Variants in LIPC observed in about 807,000 individuals in gnomAD.
The protein encoded by LIPC is hepatic triacylglycerol lipase.
In LIPC, 44 loss-of-function variants were observed where a neutral mutation model predicts 50.7. The observed-to-expected ratio is 0.87, with a 90% CI of 0.68 to 1.11. LIPC has a LOEUF of 1.11. LIPC is among the 50% of genes most tolerant of loss of function. LIPC has a pLI of 0.00. For missense variants in LIPC, 697 were observed against 648.2 expected, an observed-to-expected ratio of 1.08 and a Z score of -0.82; for synonymous variants, 271 against 256.4, an observed-to-expected ratio of 1.06 and a Z score of -0.54.
In LIPC at chr15:58,530,162, C is replaced by G. The variant is rs78040633; in HGVS notation, c.89-8171C>G. On this transcript the variant is annotated intron_variant, in intron 1 of 8. Coordinates refer to ENST00000299022, the MANE Select transcript of LIPC (RefSeq NM_000236.3). The stretch of plus-strand genomic sequence containing the variant: ...TGGGTGCAGCGACGCTGCATGGTCT[C>G]CAGGCGCCTTGTGTTTCTAACCCTC... 5.6e-3 allele frequency among the ~76,000 whole-genome samples: 851 copies of G among 152,326 alleles called. 7 individuals carry two copies. Among genetic ancestry groups the G allele is most frequent in the African/African-American group, 0.019 (794 of 41,570 alleles).
intron 1 of LIPC, among the ~76,000 whole-genome samples, chr15:58,469,345 G>C (rs1254421443): frequency 3.9e-5 from 6 of 152,098 alleles, no homozygotes; most frequent in African/African-American, 1.4e-4. Context: ...AGAACTCTCA[G>C]CTCAGCTCTT....
chr15:58,548,085 G>A (rs1893600529), intron 5 of LIPC, among the ~76,000 whole-genome samples: 3 of 152,060 alleles, frequency 2.0e-5, no homozygotes, highest in Admixed American at 2.0e-4. Flanking sequence ...ATAAAGGAGT[G>A]CTCTCAGGAT....
chr15:58,460,661 C>A (rs1368882405), intron 1 of LIPC, among the ~76,000 whole-genome samples: 3 of 152,194 alleles, frequency 2.0e-5, no homozygotes, highest in African/African-American at 4.8e-5. Flanking sequence ...GGCTGGGCTG[C>A]AAACTCAATG....
intron 1 of LIPC, among the ~76,000 whole-genome samples, chr15:58,479,024 T>G (rs1396893880): frequency 6.6e-6 from 1 of 152,170 alleles, no homozygotes; most frequent in East Asian, 1.9e-4. Context: ...TTCAATGAAT[T>G]CCCACTTTCC....
intron 1 of LIPC, among the ~76,000 whole-genome samples, chr15:58,508,752 A>C (rs759212782): frequency 6.6e-6 from 1 of 151,812 alleles, no homozygotes; most frequent in Non-Finnish European, 1.5e-5. Flanking sequence ...TTTCCTCCGC[A>C]TTCACATCCT....
At chr15:58,520,771 G>A (rs1030413386) in intron 1 of LIPC, among the ~76,000 whole-genome samples, 1 of 152,116 alleles carries the variant, frequency 6.6e-6, no homozygotes, top group Admixed American at 6.5e-5. Flanking sequence ...CGCTTAATAC[G>A]ACACTTCCCA....
chr15:58,457,503 C>T (rs768268756), intron 1 of LIPC, among the ~76,000 whole-genome samples: 3 of 152,252 alleles, frequency 2.0e-5, no homozygotes, highest in African/African-American at 4.8e-5. Context: ...TTGGCTCCTT[C>T]AGGGCAGAGC....
chr15:58,446,981 C>T (rs1893717848), intron 1 of LIPC, among the ~76,000 whole-genome samples: 1 of 151,788 alleles, frequency 6.6e-6, no homozygotes, highest in Non-Finnish European at 1.5e-5. Context: ...AACCCCTTCT[C>T]TACTAAAGAT....
chr15:58,523,980 C>T (rs1892729959), intron 1 of LIPC, among the ~76,000 whole-genome samples: 1 of 152,166 alleles, frequency 6.6e-6, no homozygotes, highest in African/African-American at 2.4e-5. Context: ...GAAGTAAATA[C>T]TAACATGGCT....
At chr15:58,557,337 T>C (rs1037901176) in intron 6 of LIPC, among the ~76,000 whole-genome samples, 1 of 150,882 alleles carries the variant, frequency 6.6e-6, no homozygotes, top group Non-Finnish European at 1.5e-5. Flanking sequence ...CCAAAATAGA[T>C]ATTAGCCAAT....
At chr15:58,541,989 C>T (rs370079161) in intron 3 of LIPC, 22 bp downstream of exon 3, 22 of 1,593,578 alleles carry the variant, frequency 1.4e-5, no homozygotes, top group Non-Finnish European at 1.5e-5. Flanking sequence ...CCCCATCCTT[C>T]CTTCACCTCC....
At chr15:58,566,850 A>T (rs1894379164) in intron 8 of LIPC, among the ~76,000 whole-genome samples, 1 of 152,222 alleles carries the variant, frequency 6.6e-6, no homozygotes. Flanking sequence ...GGAATTCAAA[A>T]ACGGACAACA....
chr15:58,525,156 T>G (rs1237584223), intron 1 of LIPC, among the ~76,000 whole-genome samples: 1 of 152,242 alleles, frequency 6.6e-6, no homozygotes, highest in Admixed American at 6.5e-5. Context: ...CTCCCAATAC[T>G]ATTTTTTAAA....
chr15:58,551,181 T>C (rs1337882073), intron 6 of LIPC, among the ~76,000 whole-genome samples: 1 of 151,980 alleles, frequency 6.6e-6, no homozygotes, highest in Admixed American at 6.6e-5. Context: ...TCCCCAGTTC[T>C]CCTGCAGCCC....
rs538641427 is a variant in LIPC, at chr15:58,541,730, A to G, written c.274-55A>G. On this transcript the variant is annotated intron_variant, in intron 2 of 8. Transcript: ENST00000299022. ...TTATCCAGGAGCTGGAGAAGGAAGA[A>G]GGGTGAGCGGGGAGAAAGGAAACTA... 2.5e-5 allele frequency: 38 copies of G among 1,545,718 alleles called. No homozygotes were observed. In the South Asian group the frequency reaches 4.4e-4, roughly 18 times the overall value.
intron 1 of LIPC, among the ~76,000 whole-genome samples, chr15:58,475,772 T>TC (rs1367598220): frequency 6.6e-6 from 1 of 152,200 alleles, no homozygotes; most frequent in East Asian, 1.9e-4. Context: ...TGGCAATTAG[T>TC]CCCCATGGAA....
intron 2 of LIPC, among the ~76,000 whole-genome samples, chr15:58,541,419 T>C (rs1893318733): frequency 6.6e-6 from 1 of 151,022 alleles, no homozygotes; most frequent in Non-Finnish European, 1.5e-5. Flanking sequence ...GATTTACACA[T>C]ATTTCTCCAC....
At chr15:58,557,408 G>A (rs1175553102) in intron 6 of LIPC, among the ~76,000 whole-genome samples, 6 of 13,824 alleles carry the variant, frequency 4.3e-4, no homozygotes, top group Non-Finnish European at 7.1e-4. Flanking sequence ...TTTTTGAGAT[G>A]TAGTCTTGCT....
intron 1 of LIPC, among the ~76,000 whole-genome samples, chr15:58,464,683 C>T (rs1198969644): frequency 1.3e-5 from 2 of 152,174 alleles, no homozygotes; most frequent in Non-Finnish European, 2.9e-5. Context: ...CATCAAAACA[C>T]ACAGGGTGGC....
Sources: allele counts gnomAD v4.1 joint callset (sites outside exome capture counted in the v4.1 genomes callset), GRCh38; gene constraint gnomAD v4.1.1; transcripts MANE v1.5; gene names NCBI Gene and HGNC (gene_info 2026-07-23, HGNC 2026-07-21).